The following UVSSA variants were observed in gnomAD, a reference collection of about 807,000 sequenced individuals.
The protein encoded by UVSSA is UV-stimulated scaffold protein A.
A neutral mutation model predicts 73.9 loss-of-function variants in UVSSA; 72 were observed. The observed-to-expected ratio is 0.97, with a 90% CI of 0.81 to 1.19. The LOEUF (loss-of-function observed/expected upper bound fraction) is 1.19, where lower values mean the gene tolerates loss of function less well. UVSSA is among the 50% of genes most tolerant of loss of function. UVSSA has a pLI of 0.00. For synonymous variants in UVSSA, 454 were observed against 391.3 expected, an observed-to-expected ratio of 1.16 and a Z score of -1.89; for missense variants, 1,150 against 965.0, an observed-to-expected ratio of 1.19 and a Z score of -2.54.
intron 12 of UVSSA, among the ~76,000 whole-genome samples, chr4:1,383,546 C>T (rs558225301): frequency 6.6e-6 from 1 of 152,288 alleles, no homozygotes; most frequent in East Asian, 1.9e-4. Flanking sequence ...GTGTCACCTT[C>T]ACCCTGTGGG....
At chr4:1,344,266 C>T (rs1237170198), upstream of UVSSA, among the ~76,000 whole-genome samples, 1 of 152,140 alleles carries the variant, frequency 6.6e-6, no homozygotes, top group Admixed American at 6.5e-5. Flanking sequence ...TCTTCTAATT[C>T]TTGGCTTGGT....
chr4:1,355,017 G>A, intron 6 of UVSSA, 100 bp from the exon 7 acceptor site: 1 of 1,547,978 alleles, frequency 6.5e-7, no homozygotes, highest in South Asian at 1.2e-5. Flanking sequence ...GTGTGCCAGG[G>A]ACCCCCCGGG....
intron 7 of UVSSA, 121 bp from the exon 8 acceptor site, chr4:1,366,199 G>A: frequency 1.3e-6 from 1 of 759,350 alleles, no homozygotes; most frequent in South Asian, 1.8e-5. Context: ...GGCTGATGTT[G>A]GAGCCCTAAG....
At chr4:1,395,838 C>G (rs766210583) in exon 14 of UVSSA, 2 of 1,613,398 alleles carry the variant, frequency 1.2e-6, no homozygotes, top group African/African-American at 1.3e-5. Flanking sequence ...TTCTCTGCAC[C>G]TCGAGATAAC....
upstream of UVSSA, among the ~76,000 whole-genome samples, chr4:1,347,096 G>C (rs1713792402): frequency 6.6e-6 from 1 of 152,092 alleles, no homozygotes. Flanking sequence ...AGGTGCAGTC[G>C]TCGCTGTGGT....
upstream of UVSSA, among the ~76,000 whole-genome samples, chr4:1,344,131 T>C (rs755916607): frequency 6.6e-6 from 1 of 152,182 alleles, no homozygotes; most frequent in African/African-American, 2.4e-5. Flanking sequence ...TCTGACTGCT[T>C]CTAAGATTTG....
intron 11 of UVSSA, among the ~76,000 whole-genome samples, chr4:1,380,454 G>C (rs1347175740): frequency 6.6e-6 from 1 of 152,168 alleles, no homozygotes; most frequent in Non-Finnish European, 1.5e-5. Context: ...TGACACCTGG[G>C]TACATGGCTT....
chr4:1,394,967 C>T (rs373946226), exon 14 of UVSSA: 2 of 645,622 alleles, frequency 3.1e-6, no homozygotes, highest in African/African-American at 1.2e-4. Flanking sequence ...CACACGTGCC[C>T]ATGCGGAGTG....
intron 3 of UVSSA, 62 bp downstream of exon 3, chr4:1,349,916 A>G (rs760108046): frequency 3.1e-5 from 44 of 1,410,018 alleles, no homozygotes; most frequent in Non-Finnish European, 3.9e-5. Flanking sequence ...GGCAGACGAT[A>G]CCAGGGTGAA....
At chr4:1,347,973 G>C (rs1713973925) in intron 1 of UVSSA, 117 bp from the exon 2 acceptor site, 2 of 806,206 alleles carry the variant, frequency 2.5e-6, no homozygotes. Context: ...ATGGACCCCA[G>C]CCTCAGGGTC....
chr4:1,385,071 A>T (rs545697450), intron 13 of UVSSA: 1 of 152,400 alleles, frequency 6.6e-6, no homozygotes, highest in Admixed American at 6.5e-5. Context: ...CTTGGTGCTG[A>T]TGCCCAGGAG....
rs78117292 is a variant in UVSSA, at chr4:1,386,650, G to A, written c.*689G>A. On this transcript the variant is annotated 3_prime_UTR_variant, in exon 14 of 14. Coordinates refer to ENST00000389851, the MANE Select transcript of UVSSA (RefSeq NM_020894.4). ...TACTGGCCATTTGTGTATCTCCTTT[G>A]GAGAGGAGTCTATTCAAACCTCTTG... 756 of 152,320 alleles carry A rather than the reference G, an allele frequency of 5.0e-3. 2 individuals are homozygous for A. The highest frequency in any genetic ancestry group is 8.8e-3 in the Non-Finnish European group (598 of 68,066). The allele number at this position is 152,320 out of a possible 1,614,324, so 9.4% of individuals were successfully genotyped here. A position where few individuals can be genotyped will look rare whatever the true frequency, so the allele number is the denominator to read the frequency against.
At chr4:1,375,831 C>T (rs1041708497) in intron 9 of UVSSA, among the ~76,000 whole-genome samples, 2 of 152,254 alleles carry the variant, frequency 1.3e-5, no homozygotes, top group African/African-American at 4.8e-5. Flanking sequence ...GACTGCAGAC[C>T]AGAGGCCAGC....
chr4:1,363,728 T>C (rs1444669845), intron 7 of UVSSA, among the ~76,000 whole-genome samples: 2 of 152,262 alleles, frequency 1.3e-5, no homozygotes, highest in African/African-American at 2.4e-5. Flanking sequence ...CGCCATCATT[T>C]GCTCAGCGCG....
intron 8 of UVSSA, among the ~76,000 whole-genome samples, chr4:1,369,331 G>A (rs994580449): frequency 3.9e-5 from 6 of 152,228 alleles, no homozygotes; most frequent in Admixed American, 3.9e-4. Context: ...AGGACCCCTG[G>A]CCCCACTCAG....
At chr4:1,392,037 G>A (rs1720424784), downstream of UVSSA, 1 of 152,058 alleles carries the variant, frequency 6.6e-6, no homozygotes. Context: ...TGTGTTAAAT[G>A]GACATTTAAT....
At chr4:1,394,020 G>A (rs903212508) in exon 14 of UVSSA, 9 of 229,184 alleles carry the variant, frequency 3.9e-5, no homozygotes, top group East Asian at 3.4e-4. Context: ...GCGCTCCATC[G>A]CGGTTCTGCT....
At chr4:1,360,143 C>T (rs1298737044) in intron 7 of UVSSA, among the ~76,000 whole-genome samples, 4 of 152,316 alleles carry the variant, frequency 2.6e-5, no homozygotes, top group African/African-American at 9.6e-5. Flanking sequence ...AAGGCCAAGC[C>T]GCTGTGTGCG....
exon 14 of UVSSA, chr4:1,393,347 GAC>G (rs1188480406): frequency 6.6e-6 from 1 of 152,090 alleles, no homozygotes; most frequent in East Asian, 1.9e-4. Flanking sequence ...TAATTCTGTA[GAC>G]ACAGTTTCCT....
Sources: gnomAD v4.1 joint callset for allele counts (sites outside exome capture counted in the v4.1 genomes callset) on GRCh38, gnomAD v4.1.1 for gene constraint, MANE v1.5 for transcripts, NCBI Gene and HGNC (gene_info 2026-07-23, HGNC 2026-07-21) for gene names.